The following MICU1 variants were observed in gnomAD, a reference collection of about 807,000 sequenced individuals.
MICU1 encodes the protein calcium uptake protein 1, mitochondrial.
Under a neutral mutation model 56.8 loss-of-function variants are expected in MICU1, and 45 were observed. That is an observed-to-expected ratio of 0.79 (90% CI 0.62 to 1.02). MICU1 has a LOEUF of 1.02. Among genes scored for constraint, MICU1 ranks in the 50% least tolerant of loss-of-function variants. The probability of loss-of-function intolerance (pLI) is 0.00; values close to 1 mark genes in which losing one functional copy is unlikely to be tolerated. For missense variants in MICU1, 504 were observed against 587.1 expected, an observed-to-expected ratio of 0.86 and a Z score of 1.46; for synonymous variants, 186 against 195.1, an observed-to-expected ratio of 0.95 and a Z score of 0.39.
At chr10:72,546,866 C>A (rs1363725884) in intron 4 of MICU1, among the ~76,000 whole-genome samples, 1 of 151,852 alleles carries the variant, frequency 6.6e-6, no homozygotes, top group Non-Finnish European at 1.5e-5. Context: ...GCTGAGACTA[C>A]AGGCACAAGC....
chr10:72,485,003 A>G (rs1013846295), intron 6 of MICU1, among the ~76,000 whole-genome samples: 1 of 152,166 alleles, frequency 6.6e-6, no homozygotes, highest in Admixed American at 6.5e-5. Flanking sequence ...GGCAGAATTG[A>G]GTAGTTGTGA....
chr10:72,564,854 C>G (rs1015898929), intron 2 of MICU1, among the ~76,000 whole-genome samples: 1 of 152,128 alleles, frequency 6.6e-6, no homozygotes, highest in Non-Finnish European at 1.5e-5. Flanking sequence ...CAAGGAGCCA[C>G]AGGCCAGTCA....
chr10:72,556,001 T>C (rs568421289), intron 3 of MICU1, among the ~76,000 whole-genome samples: 1 of 152,210 alleles, frequency 6.6e-6, no homozygotes, highest in Non-Finnish European at 1.5e-5. Context: ...TAAATCCCTG[T>C]GGACCCTGAT....
intron 9 of MICU1, among the ~76,000 whole-genome samples, chr10:72,410,221 T>C (rs1289522517): frequency 6.6e-6 from 1 of 152,252 alleles, no homozygotes; most frequent in African/African-American, 2.4e-5. Context: ...TATTTCATTG[T>C]GTGAATATAC....
In MICU1 at chr10:72,581,115, T is replaced by C. The variant is rs1001063766; in HGVS notation, c.-1-14321A>G. On this transcript the variant is annotated intron_variant, in intron 1 of 11. Transcript: ENST00000361114. ...ACAACACAGATGGATGCACTTTTTC[T>C]TAATCTATTTTATTAAAACTGCAAC... 5.3e-5 allele frequency among the ~76,000 whole-genome samples: 8 copies of C among 152,352 alleles called. No individual in the cohort carries two copies. The South Asian group carries it at 1.7e-3, about 32-fold the overall frequency.
chr10:72,456,806 A>C (rs1865471679), intron 8 of MICU1, among the ~76,000 whole-genome samples: 2 of 150,392 alleles, frequency 1.3e-5, no homozygotes, highest in African/African-American at 4.9e-5. Context: ...CTTCCACCCC[A>C]GCTTCCCAAG....
rs572673030 is a variant in MICU1 at position 72,413,746 on chromosome 10, A to C, written c.1072-5709T>G. Among the ~76,000 whole-genome samples, 21 of 152,326 alleles carry C rather than the reference A, an allele frequency of 1.4e-4. No homozygotes were observed. The East Asian group carries it at 3.5e-3, about 25-fold the overall frequency. On this transcript the variant is annotated intron_variant, in intron 9 of 11. Transcript: ENST00000361114. ...GAGACCCTGTCTCAAAAATAAAAAAAAAAGGACTTGTATCCAGAATTATAT... is the reference window on the plus strand; with the variant it reads ...GAGACCCTGTCTCAAAAATAAAAAACAAAGGACTTGTATCCAGAATTATAT...
intron 10 of MICU1, among the ~76,000 whole-genome samples, chr10:72,392,220 G>A (rs565015026): frequency 2.0e-5 from 3 of 152,150 alleles, no homozygotes; most frequent in East Asian, 1.9e-4. Context: ...GGGTGGAGGC[G>A]GTCCTGGAAC....
At chr10:72,382,025 T>C (rs961558223) in intron 10 of MICU1, among the ~76,000 whole-genome samples, 38 of 146,696 alleles carry the variant, frequency 2.6e-4, no homozygotes, top group Admixed American at 4.1e-4. Context: ...GAGAAACACG[T>C]AGAAGAGACA....
chr10:72,549,709 T>A (rs1213864853), intron 4 of MICU1, among the ~76,000 whole-genome samples: 1 of 152,032 alleles, frequency 6.6e-6, no homozygotes, highest in Non-Finnish European at 1.5e-5. Flanking sequence ...GGCAGGTGGA[T>A]CACCTGAGGT....
At chr10:72,423,423 CG>C in intron 8 of MICU1, 52 bp from the exon 9 acceptor site, 1 of 1,581,594 alleles carries the variant, frequency 6.3e-7, no homozygotes, top group Non-Finnish European at 8.6e-7. Flanking sequence ...AGTATTTTGA[CG>C]TGGAACACGG....
intron 1 of MICU1, among the ~76,000 whole-genome samples, chr10:72,570,392 G>C (rs1049162974): frequency 6.6e-6 from 1 of 151,876 alleles, no homozygotes; most frequent in African/African-American, 2.4e-5. Context: ...TACATTATTA[G>C]TGCTTAAAAT....
chr10:72,418,581 G>A (rs1160533353), intron 9 of MICU1, among the ~76,000 whole-genome samples: 2 of 152,162 alleles, frequency 1.3e-5, no homozygotes, highest in African/African-American at 4.8e-5. Flanking sequence ...AAAAATGGCT[G>A]TGAAACATTG....
Position 72,593,737 on chromosome 10 carries a change from A to C in MICU1, c.-1-26943T>G, listed in dbSNP as rs924333711. 1.8e-4 allele frequency among the ~76,000 whole-genome samples: 27 copies of C among 152,330 alleles called. 1 individual carries two copies. Among genetic ancestry groups the C allele is most frequent in the Admixed American group, 1.6e-3 (24 of 15,294 alleles). Reference sequence around the variant, plus strand: ...GCATTTCTATACACTAGTGATAAACAATTGGAAAAGGAAATTACAAAAACA... The same window carrying C: ...GCATTTCTATACACTAGTGATAAACCATTGGAAAAGGAAATTACAAAAACA... On this transcript the variant is annotated intron_variant, in intron 1 of 11. Coordinates refer to ENST00000361114, the MANE Select transcript of MICU1 (RefSeq NM_001195518.2).
At chr10:72,437,511 A>C (rs1836899530) in intron 8 of MICU1, among the ~76,000 whole-genome samples, 1 of 152,234 alleles carries the variant, frequency 6.6e-6, no homozygotes, top group South Asian at 2.1e-4. Context: ...TAACCAGTGA[A>C]CATCATAATG....
At position 72,410,575 on chromosome 10, in the gene MICU1, C is replaced by T. The variant is rs954644134; in HGVS notation, c.1072-2538G>A. On this transcript the variant is annotated intron_variant, in intron 9 of 11. Coordinates refer to ENST00000361114, the MANE Select transcript of MICU1 (RefSeq NM_001195518.2). ...CAGAGGTTGCAGTGAGCTGAGATCA[C>T]GCCACTGCACTCCAGTCTGGGCAAC... is the stretch of plus-strand genomic sequence containing the variant. Among the ~76,000 whole-genome samples, 3 of 152,096 alleles carry T rather than the reference C, an allele frequency of 2.0e-5. No individual in the cohort carries two copies. The East Asian group carries it at 5.8e-4, about 29-fold the overall frequency.
intron 8 of MICU1, among the ~76,000 whole-genome samples, chr10:72,454,094 A>G (rs1865381247): frequency 6.6e-6 from 1 of 151,988 alleles, no homozygotes; most frequent in African/African-American, 2.4e-5. Context: ...TGCTTCCCAA[A>G]GTGCTCGGAT....
chr10:72,539,785 C>A (rs1275841389), intron 4 of MICU1, among the ~76,000 whole-genome samples: 1 of 152,100 alleles, frequency 6.6e-6, no homozygotes, highest in African/African-American at 2.4e-5. Flanking sequence ...AATTTACTTT[C>A]ATAAGTTTGT....
intron 1 of MICU1, among the ~76,000 whole-genome samples, chr10:72,622,678 T>C (rs889530547): frequency 6.6e-6 from 1 of 152,208 alleles, no homozygotes. Flanking sequence ...CAAAGGGAAC[T>C]AGTGGTTACC....
Sources: allele counts gnomAD v4.1 joint callset (sites outside exome capture counted in the v4.1 genomes callset), GRCh38; gene constraint gnomAD v4.1.1; transcripts MANE v1.5; gene names NCBI Gene and HGNC (gene_info 2026-07-23, HGNC 2026-07-21).